Variants in POLR3B observed in about 807,000 individuals in gnomAD.
POLR3B encodes the protein RNA polymerase III subunit B, also known as DNA-directed RNA polymerase III subunit RPC2.
Under a neutral mutation model 147.4 loss-of-function variants are expected in POLR3B, and 96 were observed. The observed-to-expected ratio is 0.65, with a 90% confidence interval of 0.55 to 0.77. The LOEUF is 0.77. Among genes scored for constraint, POLR3B ranks in the 30% least tolerant of loss-of-function variants. The probability of loss-of-function intolerance (pLI) is 0.00; values close to 1 mark genes in which losing one functional copy is unlikely to be tolerated. For missense variants in POLR3B, 1,036 were observed against 1,413.5 expected (o/e 0.73, Z 4.28); for synonymous variants, 461 against 485.9 (o/e 0.95, Z 0.67).
intron 22 of POLR3B, 86 bp downstream of exon 22, chr12:106,459,454 G>A (rs2137032803): frequency 1.3e-6 from 1 of 797,324 alleles, no homozygotes; most frequent in South Asian, 1.4e-5. Context: ...GTCTTGGCGT[G>A]TTGGAGAACT....
intron 20 of POLR3B, 48 bp from the exon 21 acceptor site, chr12:106,457,090 A>T: frequency 6.6e-7 from 1 of 1,523,816 alleles, no homozygotes; most frequent in Non-Finnish European, 9.1e-7. Context: ...ATTTCCTTAT[A>T]GCTTTGGGTT....
Position 106,427,358 on chromosome 12 carries a change from C to T in POLR3B, c.1263C>T (p.Thr421=), listed in dbSNP as rs367607316. ...ITNGMVNAIS[T]GNWSLKRFKM... is the part of the protein sequence containing the mutation. ...ATGGCATGGTGAATGCTATTTCTAC[C>T]GTAAGTCTTCAGTCACTCTTTTAGG... is the stretch of plus-strand genomic sequence containing the variant. Residue 421 remains threonine, a splice_region_variant and synonymous_variant, in exon 13 of 28, where the codon ACC becomes ACT. Transcript: ENST00000228347. 76 of 1,612,046 alleles carry T rather than the reference C, an allele frequency of 4.7e-5. No individual in the cohort carries two copies. The highest frequency in any genetic ancestry group is 6.7e-5 in the East Asian group (3 of 44,826).
At chr12:106,365,410 A>G (rs922730926) in intron 2 of POLR3B, among the ~76,000 whole-genome samples, 6 of 152,176 alleles carry the variant, frequency 3.9e-5, no homozygotes, top group Non-Finnish European at 7.3e-5. Flanking sequence ...CTAAGAGACC[A>G]GGTCTTGCTA....
chr12:106,421,912 C>T (rs1166250885), intron 12 of POLR3B, among the ~76,000 whole-genome samples: 1 of 152,058 alleles, frequency 6.6e-6, no homozygotes, highest in Non-Finnish European at 1.5e-5. Flanking sequence ...GTTGGCCAGG[C>T]TGGTCTCGAA....
chr12:106,400,776 A>G (rs919543310), intron 10 of POLR3B, among the ~76,000 whole-genome samples: 95 of 152,208 alleles, frequency 6.2e-4, no homozygotes, highest in African/African-American at 1.2e-3. Context: ...TTTGAAACCA[A>G]TGAGAACAAA....
At chr12:106,456,746 A>G (rs1411829581) in intron 20 of POLR3B, among the ~76,000 whole-genome samples, 2 of 152,150 alleles carry the variant, frequency 1.3e-5, no homozygotes, top group Admixed American at 1.3e-4. Flanking sequence ...CCTCACTCCT[A>G]GTGCCTGTAA....
chr12:106,478,126 CAAATTCCT>C (rs1327471611), intron 23 of POLR3B, among the ~76,000 whole-genome samples: 1 of 151,814 alleles, frequency 6.6e-6, no homozygotes, highest in East Asian at 1.9e-4. Flanking sequence ...AGGCTGGTCC[CAAATTCCT>C]CAGCTCAGGC....
chr12:106,446,311 C>G (rs752990527), intron 19 of POLR3B: 15 of 452,194 alleles, frequency 3.3e-5, no homozygotes, highest in Middle Eastern at 3.2e-4. Context: ...GTTTGAAGAT[C>G]GAAACAGAGC....
chr12:106,370,421 T>A (rs2036587981), intron 6 of POLR3B, among the ~76,000 whole-genome samples: 1 of 152,170 alleles, frequency 6.6e-6, no homozygotes, highest in South Asian at 2.1e-4. Flanking sequence ...GACAGGCATA[T>A]GTAATTATGG....
intron 23 of POLR3B, among the ~76,000 whole-genome samples, chr12:106,488,341 A>G (rs1177062425): frequency 1.2e-4 from 18 of 152,242 alleles, no homozygotes. Flanking sequence ...CTTTAGTAGT[A>G]TGCAAAATGC....
In POLR3B at chr12:106,424,678, G is replaced by T. The variant is rs140237250; in HGVS notation, c.1102-2519G>T. On this transcript the variant is annotated intron_variant, in intron 12 of 27. Transcript: ENST00000228347. ...TAGTTCTCTAATTTCCTCCAGAAGT[G>T]AATAGTGAAGGTGTTTTTTCTCTGA... Among the ~76,000 whole-genome samples the T allele has an allele frequency of 2.8e-3, 431 of 152,176 alleles. 4 individuals are homozygous for T. The highest frequency in any genetic ancestry group is 9.8e-3 in the African/African-American group (406 of 41,524).
chr12:106,432,934 A>G (rs1273711689), intron 15 of POLR3B, among the ~76,000 whole-genome samples: 1 of 152,146 alleles, frequency 6.6e-6, no homozygotes, highest in East Asian at 1.9e-4. Context: ...TATTTCTTTC[A>G]TATACCTCTT....
At chr12:106,420,008 T>C (rs913877955) in intron 12 of POLR3B, among the ~76,000 whole-genome samples, 3 of 151,476 alleles carry the variant, frequency 2.0e-5, no homozygotes, top group African/African-American at 7.3e-5. Context: ...GTTGATGTTC[T>C]GCTAGAGGTT....
chr12:106,366,731 C>A lies in POLR3B; in HGVS notation c.227+9C>A. ...CCTATGTGGTACTTAAAGTAAGGAA[C>A]CAACATTCTTAATTTGCTATGTGGG... On this transcript the variant is annotated intron_variant, in intron 4 of 27. Transcript: ENST00000228347. 6.3e-7 allele frequency: 1 copy of A among 1,597,030 alleles called. No individual in the cohort carries two copies. Among genetic ancestry groups the A allele is most frequent in the Non-Finnish European group, 8.6e-7 (1 of 1,164,794 alleles).
chr12:106,417,525 C>T (rs2037320505), intron 12 of POLR3B, among the ~76,000 whole-genome samples: 1 of 152,036 alleles, frequency 6.6e-6, no homozygotes, highest in African/African-American at 2.4e-5. Flanking sequence ...GAAGAGTGGA[C>T]CGGCTAGAAG....
intron 24 of POLR3B, chr12:106,496,512 A>C (rs2137075443): frequency 1.7e-6 from 1 of 602,342 alleles, no homozygotes; most frequent in East Asian, 2.8e-5. Flanking sequence ...GCCTTGGACA[A>C]GTTGCTTATC....
intron 23 of POLR3B, among the ~76,000 whole-genome samples, chr12:106,495,243 A>G (rs922818283): frequency 6.6e-6 from 1 of 152,250 alleles, no homozygotes; most frequent in African/African-American, 2.4e-5. Flanking sequence ...TATAGGTTAG[A>G]ATAATATTAA....
chr12:106,381,037 TA>T (rs2036755735), intron 9 of POLR3B, among the ~76,000 whole-genome samples: 1 of 152,240 alleles, frequency 6.6e-6, no homozygotes, highest in South Asian at 2.1e-4. Flanking sequence ...AATTAAAATA[TA>T]CTTTATTGCT....
intron 12 of POLR3B, among the ~76,000 whole-genome samples, chr12:106,412,415 T>G (rs1473246507): frequency 6.6e-6 from 1 of 152,200 alleles, no homozygotes; most frequent in Admixed American, 6.5e-5. Flanking sequence ...TCTTTTTCTT[T>G]TGGTTCTTCA....
Sources: gnomAD v4.1 joint callset for allele counts (sites outside exome capture counted in the v4.1 genomes callset) on GRCh38, gnomAD v4.1.1 for gene constraint, MANE v1.5 for transcripts, NCBI Gene and HGNC (gene_info 2026-07-23, HGNC 2026-07-21) for gene names.